The following CD27 variants were observed in gnomAD, a reference collection of about 807,000 sequenced individuals.
The protein encoded by CD27 is CD27 antigen.
In CD27, 16 loss-of-function variants were observed where a neutral mutation model predicts 25.9. The observed-to-expected ratio is 0.62, with a 90% CI of 0.42 to 0.94. The LOEUF (loss-of-function observed/expected upper bound fraction) is 0.94. Among genes scored for constraint, CD27 ranks in the 40% least tolerant of loss-of-function variants. CD27 has a pLI of 0.00. For missense variants in CD27, 300 were observed against 333.2 expected (o/e 0.90, Z 0.78); for synonymous variants, 142 against 124.3 (o/e 1.14, Z -0.95).
At chr12:6,447,557 A>G (rs1949434877) in intron 2 of CD27, 1 of 152,196 alleles carries the variant, frequency 6.6e-6, no homozygotes, top group African/African-American at 2.4e-5. Context: ...CCCAGGTTAT[A>G]CCTGGTAAAT....
At chr12:6,449,882 A>G (rs962621672) in intron 2 of CD27, among the ~76,000 whole-genome samples, 31 of 152,290 alleles carry the variant, frequency 2.0e-4, no homozygotes, top group African/African-American at 6.7e-4. Context: ...AAAATGTATC[A>G]GGGAGTACAA....
Position 6,450,166 on chromosome 12 carries a change from C to A in CD27, c.269-7C>A, listed in dbSNP as rs769168367. 6.2e-7 allele frequency: 1 copy of A among 1,609,080 alleles called. No homozygotes were observed. Among genetic ancestry groups the A allele is most frequent in the Non-Finnish European group, 8.5e-7 (1 of 1,179,038 alleles). On this transcript the variant is annotated splice_polypyrimidine_tract_variant and splice_region_variant and intron_variant, in intron 2 of 5. Coordinates refer to ENST00000266557, the MANE Select transcript of CD27 (RefSeq NM_001242.5). This position sits in a 1 kb window ranked among gnomAD's most constrained non-coding sequence, Gnocchi z 4.1. ...GTCCTATGCTCCCTGGGCCTCTCTTCCCCCAGGTCTTCTCGTTCGCAACTG... is the reference window on the plus strand; with the variant it reads ...GTCCTATGCTCCCTGGGCCTCTCTTACCCCAGGTCTTCTCGTTCGCAACTG...
intron 2 of CD27, among the ~76,000 whole-genome samples, chr12:6,449,487 T>C (rs1592120900): frequency 6.6e-6 from 1 of 152,092 alleles, no homozygotes; most frequent in Non-Finnish European, 1.5e-5. Flanking sequence ...GCCAAATTTG[T>C]ACAAATTCTT....
Position 6,445,191 on chromosome 12 carries a change from C to T in CD27, c.96C>T (p.Tyr32=). 1 of 1,613,672 alleles carries T rather than the reference C, an allele frequency of 6.2e-7. No individual in the cohort carries two copies. Among genetic ancestry groups the T allele is most frequent in the Non-Finnish European group, 8.5e-7 (1 of 1,179,862 alleles). The change falls in exon 1 of 6, where the codon TAC becomes TAT. Residue 32 remains tyrosine (Y), a synonymous_variant. Transcript: ENST00000266557. This position sits in a 1 kb window ranked among gnomAD's most constrained non-coding sequence, Gnocchi z 4.5. ...CCAAGAGCTGCCCAGAGAGGCACTA[C>T]TGGGCTCAGGGAAAGCTGTGCTGCC... ...PAPKSCPERH[Y]WAQGKLCCQM... is the part of the protein sequence containing the mutation.
rs983741703 is a variant in CD27 at position 6,445,957 on chromosome 12, C to T, written c.268+402C>T. Reference sequence around the variant, plus strand: ...GGAATACATCTTTCTAAGGAAATAACAAAGCAACCCAATAGGTAACAACCT... The same window carrying T: ...GGAATACATCTTTCTAAGGAAATAATAAAGCAACCCAATAGGTAACAACCT... On this transcript the variant is annotated intron_variant, in intron 2 of 5. Coordinates refer to ENST00000266557, the MANE Select transcript of CD27 (RefSeq NM_001242.5). This position sits in a 1 kb window ranked among gnomAD's most constrained non-coding sequence, Gnocchi z 4.5. Among the ~76,000 whole-genome samples the T allele has an allele frequency of 9.2e-5, 14 of 151,994 alleles. No homozygotes were observed. The highest frequency in any genetic ancestry group is 3.4e-4 in the African/African-American group (14 of 41,366).
intron 2 of CD27, chr12:6,448,592 C>G (rs11569383): frequency 0.025 from 3,855 of 152,262 alleles, 68 homozygotes; most frequent in Middle Eastern, 0.068. Context: ...GGTGAAACCC[C>G]GTCTCTACTA....
In CD27 at chr12:6,450,693, G is replaced by A. The variant is rs1209768978; in HGVS notation, c.538+63G>A. On this transcript the variant is annotated intron_variant, in intron 4 of 5. Transcript: ENST00000266557. The surrounding 1 kb of genome is among the most constrained non-coding windows in gnomAD (Gnocchi z 4.1). ...GCATACACGAGGGGCCAGGAGGGAAGCCAGACAGAAAGCTCCTAGGATTAG... is the reference window on the plus strand; with the variant it reads ...GCATACACGAGGGGCCAGGAGGGAAACCAGACAGAAAGCTCCTAGGATTAG... The A allele has an allele frequency of 2.0e-6, 3 of 1,516,288 alleles. No individual in the cohort carries two copies. In the East Asian group the frequency reaches 6.8e-5, roughly 34 times the overall value. 93.9% of individuals were successfully genotyped at this position (1,516,288 alleles called of 1,614,324 possible).
Position 6,451,258 on chromosome 12 carries a change from C to T in CD27, c.659-10C>T. On this transcript the variant is annotated splice_polypyrimidine_tract_variant and intron_variant, in intron 5 of 5. Transcript: ENST00000266557. Reference sequence around the variant, plus strand: ...CTGCTGGCCAAGACTCATCGGATCTCCTTCTGCAGACAAAGGAGAAAGTCC... The same window carrying T: ...CTGCTGGCCAAGACTCATCGGATCTTCTTCTGCAGACAAAGGAGAAAGTCC... 6.2e-7 allele frequency: 1 copy of T among 1,613,754 alleles called. No individual in the cohort carries two copies. The highest frequency in any genetic ancestry group is 1.3e-5 in the African/African-American group (1 of 75,048).
At chr12:6,444,628 G>A (rs1224023001), upstream of CD27, among the ~76,000 whole-genome samples, 1 of 123,428 alleles carries the variant, frequency 8.1e-6, no homozygotes, top group Non-Finnish European at 1.6e-5. Flanking sequence ...CAGGAGTCCT[G>A]CGAATTCGTC....
chr12:6,446,067 T>C (rs1949413411), intron 2 of CD27, among the ~76,000 whole-genome samples: 1 of 152,236 alleles, frequency 6.6e-6, no homozygotes, highest in African/African-American at 2.4e-5. Context: ...AAAGGTTTTT[T>C]TTAAACTAAG....
chr12:6,446,574 T>G (rs1443405294), intron 2 of CD27, among the ~76,000 whole-genome samples: 1 of 151,992 alleles, frequency 6.6e-6, no homozygotes, highest in African/African-American at 2.4e-5. Context: ...TGTAGAGACT[T>G]GAGCCCAGGA....
chr12:6,446,052 A>C (rs1363253832), intron 2 of CD27, among the ~76,000 whole-genome samples: 1 of 147,988 alleles, frequency 6.8e-6, no homozygotes, highest in East Asian at 1.9e-4. Context: ...TATAGTTCCA[A>C]AAAAAAAGGT....
intron 2 of CD27, among the ~76,000 whole-genome samples, chr12:6,448,306 G>A (rs1949451731): frequency 6.6e-6 from 1 of 152,068 alleles, no homozygotes; most frequent in Admixed American, 6.5e-5. Flanking sequence ...GGCCCACCAG[G>A]CTTTCTTGCA....
Position 6,450,345 on chromosome 12 carries a change from T to C in CD27, c.441T>C (p.Tyr147=). ...ACCCTCAGCCCACCCACTTACCTTA[T>C]GTCAGTGGTAAGTTCCAGGCAACTC... ...SPHPQPTHLP[Y]VSEMLEARTA... is the part of the protein sequence containing the mutation. The change falls in exon 3 of 6, where the codon TAT becomes TAC. Residue 147 remains tyrosine (Y), a synonymous_variant. Coordinates refer to ENST00000266557, the MANE Select transcript of CD27 (RefSeq NM_001242.5). This position sits in a 1 kb window ranked among gnomAD's most constrained non-coding sequence, Gnocchi z 4.1. 6.2e-7 allele frequency: 1 copy of C among 1,611,542 alleles called. No individual in the cohort carries two copies. Among genetic ancestry groups the C allele is most frequent in the Non-Finnish European group, 8.5e-7 (1 of 1,179,576 alleles).
Position 6,446,801 on chromosome 12 carries a change from A to C in CD27, c.268+1246A>C, listed in dbSNP as rs576203813. ...TCACACACACACACACACACACACA[A>C]AAAGCCAGAGCAGTGGCTCACACTT... On this transcript the variant is annotated intron_variant, in intron 2 of 5. Transcript: ENST00000266557. Among the ~76,000 whole-genome samples, 467 of 132,104 alleles carry C rather than the reference A, an allele frequency of 3.5e-3. 3 individuals carry two copies. The highest frequency in any genetic ancestry group is 0.012 in the African/African-American group (441 of 36,872). The allele number at this position is 132,104 out of a possible 152,430, so 86.7% of individuals were successfully genotyped here. A position where few individuals can be genotyped will look rare whatever the true frequency, so the allele number is the denominator to read the frequency against.
chr12:6,448,864 T>C (rs1004858806), intron 2 of CD27: 1 of 152,184 alleles, frequency 6.6e-6, no homozygotes, highest in Non-Finnish European at 1.5e-5. Flanking sequence ...CCATCAACAC[T>C]ATCTAATTCT....
intron 2 of CD27, among the ~76,000 whole-genome samples, chr12:6,449,720 C>G (rs78671610): frequency 6.6e-6 from 1 of 151,574 alleles, no homozygotes; most frequent in Non-Finnish European, 1.5e-5. Context: ...TGTGGTGGCA[C>G]ACACCTGTAA....
intron 2 of CD27, among the ~76,000 whole-genome samples, chr12:6,446,274 G>A (rs976375586): frequency 2.6e-5 from 4 of 152,144 alleles, no homozygotes; most frequent in Non-Finnish European, 5.9e-5. Context: ...AAACGTGTTT[G>A]GTGTCACTGG....
At chr12:6,448,404 G>T (rs1206844484) in intron 2 of CD27, among the ~76,000 whole-genome samples, 1 of 152,048 alleles carries the variant, frequency 6.6e-6, no homozygotes, top group Non-Finnish European at 1.5e-5. Flanking sequence ...AGCCCAGCTA[G>T]TGCCCTACCA....
Sources: gnomAD v4.1 joint callset for allele counts (sites outside exome capture counted in the v4.1 genomes callset) on GRCh38, gnomAD v4.1.1 for gene constraint, Gnocchi (gnomAD v3.1) non-coding constraint, MANE v1.5 for transcripts, NCBI Gene and HGNC (gene_info 2026-07-23, HGNC 2026-07-21) for gene names.